The following GEMIN7 variants were observed in gnomAD, a reference collection of about 807,000 sequenced individuals.
GEMIN7 encodes the protein gem-associated protein 7.
GEMIN7 carries 7 observed loss-of-function variants against 7.8 expected under a neutral mutation model. The observed-to-expected ratio is 0.90, with a 90% CI of 0.51 to 1.69. The LOEUF (loss-of-function observed/expected upper bound fraction) is 1.69, where lower values mean the gene tolerates loss of function less well. GEMIN7 is among the 40% of genes most tolerant of loss of function. The probability of loss-of-function intolerance (pLI) is 0.00; values close to 1 mark genes in which losing one functional copy is unlikely to be tolerated. For synonymous variants in GEMIN7, 68 were observed against 72.4 expected, an observed-to-expected ratio of 0.94 and a Z score of 0.31; for missense variants, 159 against 176.2, an observed-to-expected ratio of 0.90 and a Z score of 0.55.
At chr19:45,090,002 C>A (rs1967836377) in intron 2 of GEMIN7, 105 bp from the exon 3 acceptor site, 1 of 1,172,656 alleles carries the variant, frequency 8.5e-7, no homozygotes, top group Non-Finnish European at 1.2e-6. Context: ...GGGGCAGGTG[C>A]AGTGGAGCTG....
At chr19:45,078,744 A>T (rs1967407488), upstream of GEMIN7, among the ~76,000 whole-genome samples, 2 of 152,166 alleles carry the variant, frequency 1.3e-5, no homozygotes, top group Non-Finnish European at 2.9e-5. Flanking sequence ...GGCCTGGAAT[A>T]GGGAGGTTCA....
intron 2 of GEMIN7, among the ~76,000 whole-genome samples, chr19:45,087,447 C>A (rs1282263250): frequency 6.6e-6 from 1 of 150,694 alleles, no homozygotes; most frequent in Non-Finnish European, 1.5e-5. Context: ...CCAGCTCATT[C>A]ATGAATTCTC....
intron 2 of GEMIN7, among the ~76,000 whole-genome samples, chr19:45,087,047 A>G (rs1967716642): frequency 6.6e-6 from 1 of 151,842 alleles, no homozygotes; most frequent in Non-Finnish European, 1.5e-5. Context: ...GGGTTTCACC[A>G]TGTTGATCAG....
At chr19:45,078,479 C>T (rs370121136), upstream of GEMIN7, among the ~76,000 whole-genome samples, 72 of 152,284 alleles carry the variant, frequency 4.7e-4, 1 homozygote, top group African/African-American at 1.7e-3. Flanking sequence ...CCCTTCTACC[C>T]CCACTAGAAC....
At chr19:45,077,130 G>A (rs535174598), upstream of GEMIN7, among the ~76,000 whole-genome samples, 122 of 152,282 alleles carry the variant, frequency 8.0e-4, no homozygotes, top group African/African-American at 2.8e-3. Context: ...GTGGGCCTGG[G>A]CATTGAGGAA....
chr19:45,080,397 A>G (rs1967459455), intron 2 of GEMIN7, among the ~76,000 whole-genome samples: 1 of 149,514 alleles, frequency 6.7e-6, no homozygotes, highest in Non-Finnish European at 1.5e-5. Flanking sequence ...TTTTTTTGAA[A>G]CAGAGTCTCA....
At chr19:45,076,492 G>A (rs1008847686), upstream of GEMIN7, 31 of 738,780 alleles carry the variant, frequency 4.2e-5, no homozygotes, top group Non-Finnish European at 5.7e-5. The surrounding 1 kb of genome is among the most constrained non-coding windows in gnomAD (Gnocchi z 4.9). Flanking sequence ...GCGACCCGCC[G>A]CGAACTCTTA....
At chr19:45,076,375 A>G (rs779219027), upstream of GEMIN7, 43 of 1,313,276 alleles carry the variant, frequency 3.3e-5, no homozygotes, top group East Asian at 1.2e-3. This position sits in a 1 kb window ranked among gnomAD's most constrained non-coding sequence, Gnocchi z 4.9. Context: ...GCGGGACATG[A>G]GTCGCGGGCC....
chr19:45,081,903 G>A (rs115767364), intron 2 of GEMIN7, among the ~76,000 whole-genome samples: 2,350 of 152,094 alleles, frequency 0.015, 65 homozygotes, highest in African/African-American at 0.052. Flanking sequence ...GATTACAGGC[G>A]TGACCTACTG....
At chr19:45,089,463 T>C (rs1161717242) in intron 2 of GEMIN7, among the ~76,000 whole-genome samples, 1 of 152,186 alleles carries the variant, frequency 6.6e-6, no homozygotes, top group Non-Finnish European at 1.5e-5. Context: ...AGCTAGCTCA[T>C]GTGTGAGTGG....
chr19:45,090,442 C>G lies in GEMIN7; in HGVS notation c.328C>G (p.Pro110Ala). ...ANFYVSQLQT[P>A]IGVQAEALLR... ...CTTCTACGTGTCACAGCTGCAGACT[C>G]CCATAGGTGTGCAAGCAGAGGCGCT... The change falls in exon 3 of 3, where the codon CCC becomes GCC. Residue 110 changes from proline (P) to alanine (A), a missense_variant. By Grantham distance (27) the Pro-to-Ala change is conservative. Coordinates refer to ENST00000270257, the MANE Select transcript of GEMIN7 (RefSeq NM_024707.3). 1.2e-6 allele frequency: 2 copies of G among 1,614,000 alleles called. No homozygotes were observed. The highest frequency in any genetic ancestry group is 1.7e-6 in the Non-Finnish European group (2 of 1,179,952).
intron 1 of GEMIN7, among the ~76,000 whole-genome samples, 192 bp from the exon 2 acceptor site, chr19:45,079,715 G>T (rs933969268): frequency 8.5e-5 from 13 of 152,144 alleles, no homozygotes; most frequent in African/African-American, 3.1e-4. Flanking sequence ...GAGAGCAATG[G>T]GTGGTCAGGG....
At chr19:45,075,986 A>T, upstream of GEMIN7, 3 of 1,570,776 alleles carry the variant, frequency 1.9e-6, no homozygotes, top group Non-Finnish European at 2.6e-6. Flanking sequence ...GAAGGAGATA[A>T]GGCAGGGCGA....
At chr19:45,077,494 G>C (rs562899972), upstream of GEMIN7, among the ~76,000 whole-genome samples, 31 of 152,298 alleles carry the variant, frequency 2.0e-4, no homozygotes, top group Non-Finnish European at 4.1e-4. Context: ...CTGCACGACA[G>C]TATAGAACGG....
At chr19:45,076,304 C>T, upstream of GEMIN7, 1 of 1,435,976 alleles carries the variant, frequency 7.0e-7, no homozygotes, top group Non-Finnish European at 9.2e-7. The surrounding 1 kb of genome is among the most constrained non-coding windows in gnomAD (Gnocchi z 4.9). Flanking sequence ...ATTTCCATCT[C>T]GTCGTCTGGG....
intron 2 of GEMIN7, among the ~76,000 whole-genome samples, chr19:45,083,254 C>T (rs933125116): frequency 6.6e-6 from 1 of 152,190 alleles, no homozygotes; most frequent in Non-Finnish European, 1.5e-5. Flanking sequence ...TGTAGACCAG[C>T]CTGGCCAACA....
chr19:45,087,325 G>A (rs1009591282), intron 2 of GEMIN7, among the ~76,000 whole-genome samples: 6 of 152,150 alleles, frequency 3.9e-5, no homozygotes, highest in Admixed American at 3.3e-4. Flanking sequence ...TTGTATTTTA[G>A]TACAGACGGG....
chr19:45,078,525 T>A (rs560114968), upstream of GEMIN7, among the ~76,000 whole-genome samples: 5 of 152,344 alleles, frequency 3.3e-5, no homozygotes, highest in South Asian at 1.0e-3. Flanking sequence ...GTCTGTCTTG[T>A]TCATAAATAC....
intron 2 of GEMIN7, among the ~76,000 whole-genome samples, chr19:45,080,419 A>G (rs1215319263): frequency 6.9e-6 from 1 of 145,032 alleles, no homozygotes; most frequent in African/African-American, 2.6e-5. Context: ...TCTGTGGCCC[A>G]GGCTGGGGTG....
Sources: gnomAD v4.1 joint callset for allele counts (sites outside exome capture counted in the v4.1 genomes callset) on GRCh38, gnomAD v4.1.1 for gene constraint, Gnocchi (gnomAD v3.1) non-coding constraint, MANE v1.5 for transcripts, NCBI Gene and HGNC (gene_info 2026-07-23, HGNC 2026-07-21) for gene names.